PCSK2: variants seen among roughly 807,000 people sequenced by gnomAD.
PCSK2 encodes proprotein convertase subtilisin/kexin type 2.
PCSK2 carries 14 observed loss-of-function variants against 69.7 expected under a neutral mutation model. The ratio of observed to expected loss-of-function variants is 0.20; its 90% CI spans 0.13 to 0.31. The LOEUF (loss-of-function observed/expected upper bound fraction) is 0.31. PCSK2 is among the 10% of genes least tolerant of loss of function. The pLI is 1.00. For synonymous variants in PCSK2, 307 were observed against 320.7 expected (o/e 0.96, Z 0.46); for missense variants, 544 against 842.5 (o/e 0.65, Z 4.39).
chr20:17,374,335 G>A (rs573513498), intron 5 of PCSK2, among the ~76,000 whole-genome samples: 29 of 152,256 alleles, frequency 1.9e-4, no homozygotes, highest in African/African-American at 6.0e-4. Flanking sequence ...TTCACAGTAC[G>A]GGCCCAAGCT....
chr20:17,331,184 T>A (rs928659967), intron 2 of PCSK2, among the ~76,000 whole-genome samples: 1 of 152,224 alleles, frequency 6.6e-6, no homozygotes, highest in Admixed American at 6.5e-5. Flanking sequence ...CAGAGCTGGA[T>A]GGACTCTTCC....
intron 1 of PCSK2, among the ~76,000 whole-genome samples, chr20:17,229,281 T>C (rs1164556106): frequency 2.0e-5 from 3 of 151,696 alleles, no homozygotes; most frequent in Non-Finnish European, 4.4e-5. Flanking sequence ...AGTGAACCCA[T>C]GCTCTTTACT....
chr20:17,262,575 T>C (rs1486486346), intron 2 of PCSK2, among the ~76,000 whole-genome samples: 1 of 152,156 alleles, frequency 6.6e-6, no homozygotes, highest in African/African-American at 2.4e-5. Flanking sequence ...CATCTGCTGA[T>C]AGAAAAATAG....
intron 2 of PCSK2, among the ~76,000 whole-genome samples, chr20:17,272,420 T>TA (rs1987905198): frequency 1.3e-5 from 2 of 152,144 alleles, no homozygotes; most frequent in African/African-American, 4.8e-5. Context: ...TCTTCTAAAA[T>TA]ACACTCATAA....
chr20:17,440,020 G>T (rs141171493), intron 8 of PCSK2, among the ~76,000 whole-genome samples: 1 of 152,200 alleles, frequency 6.6e-6, no homozygotes, highest in Non-Finnish European at 1.5e-5. Context: ...CTAGAGAGCC[G>T]ACACTGCACA....
At chr20:17,281,733 C>T (rs1460865682) in intron 2 of PCSK2, among the ~76,000 whole-genome samples, 1 of 152,164 alleles carries the variant, frequency 6.6e-6, no homozygotes, top group Non-Finnish European at 1.5e-5. Context: ...CAATTGCAGG[C>T]CATGGCCAGC....
At position 17,453,619 on chromosome 20, in the gene PCSK2, A is replaced by G; in HGVS notation, c.886-123A>G. On this transcript the variant is annotated intron_variant, in intron 8 of 11. Transcript: ENST00000262545. The surrounding 1 kb of genome is among the most constrained non-coding windows in gnomAD (Gnocchi z 4.0). The stretch of plus-strand genomic sequence containing the variant: ...AAGGATATGGTGTCCAACCCAGTTT[A>G]AAAAGTGCACCCAGTCTTTAGGTTC... 1 of 981,376 alleles carries G rather than the reference A, an allele frequency of 1.0e-6. No homozygotes were observed. Among genetic ancestry groups the G allele is most frequent in the Non-Finnish European group, 1.5e-6 (1 of 671,030 alleles). The allele number at this position is 981,376 out of a possible 1,614,324, so 60.8% of individuals were successfully genotyped here.
chr20:17,275,850 C>T (rs1256037622), intron 2 of PCSK2, among the ~76,000 whole-genome samples: 1 of 152,068 alleles, frequency 6.6e-6, no homozygotes, highest in Non-Finnish European at 1.5e-5. Context: ...ATTTTGAGCT[C>T]TGGATAAATT....
chr20:17,336,112 AC>A (rs1990344148), intron 2 of PCSK2, among the ~76,000 whole-genome samples: 1 of 152,212 alleles, frequency 6.6e-6, no homozygotes, highest in Admixed American at 6.5e-5. Context: ...TAACACTGTC[AC>A]AATTGTAATA....
intron 6 of PCSK2, among the ~76,000 whole-genome samples, chr20:17,417,061 A>G (rs1161953441): frequency 6.6e-6 from 1 of 152,130 alleles, no homozygotes; most frequent in Non-Finnish European, 1.5e-5. Flanking sequence ...CATTAGGAGA[A>G]ATACCTCATG....
At position 17,295,167 on chromosome 20, in the gene PCSK2, C is replaced by T. The variant is rs536498052; in HGVS notation, c.282+34823C>T. On this transcript the variant is annotated intron_variant, in intron 2 of 11. Coordinates refer to ENST00000262545, the MANE Select transcript of PCSK2 (RefSeq NM_002594.5). ...GACATTCAAAATTGTAATAATCTTC[C>T]CTGCATTTTCAGTTGTTTCAGTGAG... is the stretch of plus-strand genomic sequence containing the variant. Among the ~76,000 whole-genome samples, 6 of 151,880 alleles carry T rather than the reference C, an allele frequency of 4.0e-5. No homozygotes were observed. The South Asian group carries it at 1.0e-3, about 26-fold the overall frequency.
intron 5 of PCSK2, among the ~76,000 whole-genome samples, chr20:17,374,059 G>C (rs1367765215): frequency 6.6e-6 from 1 of 152,186 alleles, no homozygotes; most frequent in Non-Finnish European, 1.5e-5. Context: ...TTTAGACCAG[G>C]TTAAAATTAT....
At chr20:17,444,342 G>T (rs1187539791) in intron 8 of PCSK2, among the ~76,000 whole-genome samples, 1 of 152,200 alleles carries the variant, frequency 6.6e-6, no homozygotes, top group Non-Finnish European at 1.5e-5. Flanking sequence ...ATTCCCAGTT[G>T]TCTGATGGCT....
chr20:17,347,787 C>CGAAATAAAGAAAGAAA lies in PCSK2; in HGVS notation c.283-10536_283-10535insTAAAGAAAGAAAGAAA, dbSNP rs1430705853. ...CTAAAACTGCTGAAAGACACATAGA[C>CGAAATAAAGAAAGAAA]GAAAGAAAGAAAGAAAGAAAGAAAG... On this transcript the variant is annotated intron_variant, in intron 2 of 11. Transcript: ENST00000262545. Among the ~76,000 whole-genome samples the CGAAATAAAGAAAGAAA allele has an allele frequency of 1.6e-3, 79 of 48,566 alleles. 4 individuals are homozygous for CGAAATAAAGAAAGAAA. The highest frequency in any genetic ancestry group is 2.5e-3 in the South Asian group (3 of 1,212). The allele number at this position is 48,566 out of a possible 152,430, so 31.9% of individuals were successfully genotyped here. A position where few individuals can be genotyped will look rare whatever the true frequency, so the allele number is the denominator to read the frequency against.
At chr20:17,421,447 C>T (rs957568232) in intron 6 of PCSK2, among the ~76,000 whole-genome samples, 1 of 152,114 alleles carries the variant, frequency 6.6e-6, no homozygotes, top group South Asian at 2.1e-4. Context: ...TGGACATTAG[C>T]CAGCAAACGT....
chr20:17,390,547 C>T (rs972689022), intron 5 of PCSK2, among the ~76,000 whole-genome samples: 86 of 152,112 alleles, frequency 5.7e-4, no homozygotes, highest in Admixed American at 5.6e-3. Context: ...TTTTCACTGC[C>T]CACCTGCTCA....
chr20:17,240,515 A>G (rs568580821), intron 1 of PCSK2, among the ~76,000 whole-genome samples: 2 of 152,136 alleles, frequency 1.3e-5, no homozygotes, highest in Admixed American at 6.5e-5. Flanking sequence ...TGCCTGAAAG[A>G]CATTGGCATC....
At chr20:17,376,348 C>T (rs547859727) in intron 5 of PCSK2, among the ~76,000 whole-genome samples, 1 of 152,330 alleles carries the variant, frequency 6.6e-6, no homozygotes, top group South Asian at 2.1e-4. Flanking sequence ...TATCTAAACA[C>T]CTGCTGTTAT....
chr20:17,254,326 A>T (rs1311336515), intron 1 of PCSK2, among the ~76,000 whole-genome samples: 1 of 152,224 alleles, frequency 6.6e-6, no homozygotes. Context: ...GTACAATATT[A>T]GCTCTTACAT....
Sources: allele counts gnomAD v4.1 joint callset (sites outside exome capture counted in the v4.1 genomes callset), GRCh38; gene constraint gnomAD v4.1.1; non-coding constraint Gnocchi (gnomAD v3.1); transcripts MANE v1.5; gene names NCBI Gene and HGNC (gene_info 2026-07-23, HGNC 2026-07-21).